CRTAP: variants seen among roughly 807,000 people sequenced by gnomAD.
CRTAP encodes cartilage-associated protein.
In CRTAP, 33 loss-of-function variants were observed where a neutral mutation model predicts 42.7. The ratio of observed to expected loss-of-function variants is 0.77; its 90% CI spans 0.59 to 1.03. The LOEUF is 1.03. Ranked by LOEUF, CRTAP falls within the 50% of genes least tolerant of loss-of-function variation. The pLI, the probability that CRTAP is intolerant of heterozygous loss-of-function variation, is 0.00. For missense variants in CRTAP, 613 were observed against 533.9 expected, an observed-to-expected ratio of 1.15 and a Z score of -1.46; for synonymous variants, 243 against 217.7, an observed-to-expected ratio of 1.12 and a Z score of -1.02.
chr3:33,122,758 C>A (rs984007591), intron 2 of CRTAP, among the ~76,000 whole-genome samples: 2 of 150,378 alleles, frequency 1.3e-5, no homozygotes, highest in Non-Finnish European at 3.0e-5. Context: ...CTGTCTTTAC[C>A]TGAGGCCTTA....
chr3:33,129,683 GC>G (rs1410304290), intron 3 of CRTAP, among the ~76,000 whole-genome samples: 1 of 151,366 alleles, frequency 6.6e-6, no homozygotes, highest in East Asian at 1.9e-4. Context: ...GACCACAGGC[GC>G]CCACCACGAC....
rs2030689017 is a variant in CRTAP, at chr3:33,145,233, G to A, written c.*2785G>A. On this transcript the variant is annotated 3_prime_UTR_variant, in exon 7 of 7. Transcript: ENST00000320954. This position sits in a 1 kb window ranked among gnomAD's most constrained non-coding sequence, Gnocchi z 4.3. ...ACCTGCACAAGAATCCCTGCATCAG[G>A]TTCTCCTTTGAGGGTACCCACCCAG... is the stretch of plus-strand genomic sequence containing the variant. 2 of 152,402 alleles carry A rather than the reference G, an allele frequency of 1.3e-5. 1 individual carries two copies. The highest frequency in any genetic ancestry group is 1.3e-4 in the Admixed American group (2 of 15,274). 9.4% of individuals were successfully genotyped at this position (152,402 alleles called of 1,614,324 possible).
At chr3:33,117,244 A>G (rs902766459) in intron 1 of CRTAP, among the ~76,000 whole-genome samples, 1 of 152,244 alleles carries the variant, frequency 6.6e-6, no homozygotes, top group East Asian at 1.9e-4. Context: ...GTGGCAGGAC[A>G]TGGATAAATG....
intron 1 of CRTAP, among the ~76,000 whole-genome samples, chr3:33,114,779 G>A (rs1188366621): frequency 6.6e-6 from 1 of 152,216 alleles, no homozygotes; most frequent in Non-Finnish European, 1.5e-5. Context: ...TACGTACACA[G>A]AACGCAGTAC....
chr3:33,120,609 GA>G (rs1476705723), intron 2 of CRTAP, 116 bp downstream of exon 2: 11 of 1,459,246 alleles, frequency 7.5e-6, no homozygotes, highest in African/African-American at 2.8e-5. Flanking sequence ...GACATTTGCT[GA>G]ATATTATGAC....
chr3:33,124,550 A>G lies in CRTAP; in HGVS notation c.764A>G (p.Asp255Gly). 1 of 1,614,232 alleles carries G rather than the reference A, an allele frequency of 6.2e-7. No homozygotes were observed. Among genetic ancestry groups the G allele is most frequent in the Non-Finnish European group, 8.5e-7 (1 of 1,180,042 alleles). The change falls in exon 3 of 7, where the codon GAC becomes GGC. Residue 255 changes from aspartate to glycine, a missense_variant. Asp to Gly is a moderately conservative substitution (Grantham distance 94). Transcript: ENST00000320954. ...TGCGAGGGTTCCAGGGAGATCAAGG[A>G]CTTCAAGGATTTCTACCTTTCCATA... ...AACEGSREIKDFKDFYLSIAD... is the reference protein window; with the variant it reads ...AACEGSREIKGFKDFYLSIAD...
At chr3:33,131,165 A>G (rs2030249795) in intron 4 of CRTAP, among the ~76,000 whole-genome samples, 1 of 151,320 alleles carries the variant, frequency 6.6e-6, no homozygotes. Context: ...GCCCCTTCAC[A>G]CTCAGGAGTG....
intron 6 of CRTAP, among the ~76,000 whole-genome samples, chr3:33,138,295 T>C (rs2030479761): frequency 6.6e-6 from 1 of 152,156 alleles, no homozygotes; most frequent in Non-Finnish European, 1.5e-5. Context: ...CAGCTGGGAT[T>C]TTTTTATAGG....
At position 33,140,129 on chromosome 3, in the gene CRTAP, A is replaced by G. The variant is rs551357844; in HGVS notation, c.1153-2266A>G. Among the ~76,000 whole-genome samples, 7 of 152,364 alleles carry G rather than the reference A, an allele frequency of 4.6e-5. No homozygotes were observed. In the South Asian group the frequency reaches 6.2e-4, roughly 14 times the overall value. ...ACAACATATATAGAAAGCAAATCAT[A>G]GATACTAGAACACGAAGAGATTTTT... On this transcript the variant is annotated intron_variant, in intron 6 of 6. Coordinates refer to ENST00000320954, the MANE Select transcript of CRTAP (RefSeq NM_006371.5).
intron 2 of CRTAP, among the ~76,000 whole-genome samples, chr3:33,120,814 T>G (rs1017945224): frequency 6.6e-6 from 1 of 152,006 alleles, no homozygotes; most frequent in African/African-American, 2.4e-5. Context: ...ACACAAGAAA[T>G]AGAAACATAA....
At chr3:33,132,523 T>C (rs772446555) in intron 4 of CRTAP, 32 bp from the exon 5 acceptor site, 1 of 1,613,406 alleles carries the variant, frequency 6.2e-7, no homozygotes, top group South Asian at 1.1e-5. Context: ...GGTTTGCTGA[T>C]TTCTTCATTT....
intron 4 of CRTAP, 35 bp downstream of exon 4, chr3:33,130,102 C>G (rs565786967): frequency 1.2e-6 from 2 of 1,600,584 alleles, no homozygotes; most frequent in Admixed American, 3.3e-5. Context: ...GGGTGAGGCA[C>G]TTAGTCCTTC....
Position 33,134,236 on chromosome 3 carries a change from G to C in CRTAP, c.1123G>C (p.Ala375Pro). The C allele has an allele frequency of 6.2e-7, 1 of 1,612,550 alleles. No individual in the cohort carries two copies. Among genetic ancestry groups the C allele is most frequent in the Non-Finnish European group, 8.5e-7 (1 of 1,178,540 alleles). The change falls in exon 6 of 7, where the codon GCT becomes CCT. Residue 375 changes from alanine to proline, a missense_variant. Physicochemically the swap from Ala to Pro is conservative, Grantham distance 27. Transcript: ENST00000320954. Reference sequence around the variant, plus strand: ...ACTCCAGAAGGAGCTGTATGACTTTGCTAAGGAAAATATAATGGATGATGA... The same window carrying C: ...ACTCCAGAAGGAGCTGTATGACTTTCCTAAGGAAAATATAATGGATGATGA... ...TTLQKELYDF[A>P]KENIMDDDEG...
chr3:33,117,323 G>A (rs547740436), intron 1 of CRTAP, among the ~76,000 whole-genome samples: 1 of 152,268 alleles, frequency 6.6e-6, no homozygotes, highest in Non-Finnish European at 1.5e-5. Context: ...ATTGATCACT[G>A]GAATAGCAAT....
chr3:33,125,491 G>GTTTTTT (rs60498778), intron 3 of CRTAP, among the ~76,000 whole-genome samples: 5 of 30,136 alleles, frequency 1.7e-4, no homozygotes, highest in Non-Finnish European at 2.3e-4. Flanking sequence ...TACAAAGTAG[G>GTTTTTT]TTTTTTTTTT....
Position 33,142,352 on chromosome 3 carries a change from T to A in CRTAP, c.1153-43T>A, listed in dbSNP as rs370261790. On this transcript the variant is annotated intron_variant, in intron 6 of 6. Transcript: ENST00000320954. ...TTCTGCTCATCAGTACTTTTAAAAG[T>A]CCAATAGCCCATTTAATAAAGTTGT... 9.7e-6 allele frequency: 15 copies of A among 1,538,678 alleles called. No homozygotes were observed. In the African/African-American group the frequency reaches 2.0e-4, roughly 21 times the overall value.
chr3:33,118,509 T>C (rs923156416), intron 1 of CRTAP, among the ~76,000 whole-genome samples: 1 of 152,224 alleles, frequency 6.6e-6, no homozygotes, highest in Non-Finnish European at 1.5e-5. Context: ...ACCACTTCTC[T>C]GATGTGGCCA....
intron 2 of CRTAP, among the ~76,000 whole-genome samples, chr3:33,123,789 G>A (rs2029974458): frequency 6.6e-6 from 1 of 151,832 alleles, no homozygotes; most frequent in Non-Finnish European, 1.5e-5. Flanking sequence ...GACTACACCT[G>A]GTAATTTCTA....
rs369340002 is a variant in CRTAP at position 33,124,401 on chromosome 3, C to G, written c.622-7C>G. The G allele has an allele frequency of 6.2e-7, 1 of 1,613,852 alleles. No individual in the cohort carries two copies. Among genetic ancestry groups the G allele is most frequent in the Non-Finnish European group, 8.5e-7 (1 of 1,180,042 alleles). On this transcript the variant is annotated splice_region_variant and splice_polypyrimidine_tract_variant and intron_variant, in intron 2 of 6. Transcript: ENST00000320954. ...GCGAGCTTCACTGGCTTCTCCATGC[C>G]TTTCAGAGCCTGTTCATCCGAGCAG... is the stretch of plus-strand genomic sequence containing the variant.
Sources: allele counts gnomAD v4.1 joint callset (sites outside exome capture counted in the v4.1 genomes callset), GRCh38; gene constraint gnomAD v4.1.1; non-coding constraint Gnocchi (gnomAD v3.1); transcripts MANE v1.5; gene names NCBI Gene and HGNC (gene_info 2026-07-23, HGNC 2026-07-21).